Variants in SHANK2 observed in about 807,000 individuals in gnomAD.
SHANK2 encodes SH3 and multiple ankyrin repeat domains 2.
SHANK2 carries 43 observed loss-of-function variants against 133.7 expected under a neutral mutation model. That is an observed-to-expected ratio of 0.32 (90% confidence interval 0.25 to 0.41). The LOEUF (loss-of-function observed/expected upper bound fraction) is 0.41. Among genes scored for constraint, SHANK2 ranks in the 10% least tolerant of loss-of-function variants. The pLI, the probability that SHANK2 is intolerant of heterozygous loss-of-function variation, is 1.00. For synonymous variants in SHANK2, 1,017 were observed against 952.8 expected (o/e 1.07, Z -1.24); for missense variants, 1,994 against 2,235.8 (o/e 0.89, Z 2.18).
chr11:70,862,270 G>A (rs1175765105), intron 11 of SHANK2, among the ~76,000 whole-genome samples: 1 of 152,202 alleles, frequency 6.6e-6, no homozygotes, highest in Admixed American at 6.5e-5. Flanking sequence ...CAGGGGGAGG[G>A]TGTGTGACAC....
intron 1 of SHANK2, among the ~76,000 whole-genome samples, chr11:71,242,610 C>T (rs573529429): frequency 3.3e-5 from 5 of 152,302 alleles, no homozygotes; most frequent in Admixed American, 3.3e-4. Context: ...TCCCACACTA[C>T]ATCACTGCTT....
intron 9 of SHANK2, 84 bp from the exon 10 acceptor site, chr11:71,056,642 C>T (rs891672652): frequency 3.9e-5 from 6 of 152,194 alleles, no homozygotes; most frequent in African/African-American, 1.4e-4. Context: ...CTCAAGCTCA[C>T]GGGAAACCAG....
At chr11:70,574,504 T>G (rs146920829) in intron 17 of SHANK2, among the ~76,000 whole-genome samples, 1 of 152,364 alleles carries the variant, frequency 6.6e-6, no homozygotes, top group East Asian at 1.9e-4. Context: ...CACTCATTCA[T>G]CTGACTCTGG....
chr11:70,658,495 T>A (rs1265416526), intron 17 of SHANK2, among the ~76,000 whole-genome samples: 2 of 152,126 alleles, frequency 1.3e-5, no homozygotes, highest in Non-Finnish European at 2.9e-5. Flanking sequence ...ATAAGCTCAT[T>A]TCTCATTCAA....
intron 17 of SHANK2, among the ~76,000 whole-genome samples, chr11:70,576,790 CA>C (rs782146184): frequency 6.1e-4 from 93 of 152,318 alleles, no homozygotes; most frequent in South Asian, 3.1e-3. Flanking sequence ...AAAGCCCCTG[CA>C]AACAGGTTTC....
At chr11:70,659,744 T>C in intron 17 of SHANK2, 84 bp downstream of exon 17, 7 of 1,567,616 alleles carry the variant, frequency 4.5e-6, no homozygotes, top group Non-Finnish European at 6.1e-6. Context: ...CTGGGCCTCG[T>C]GGCTGTGCTG....
At chr11:71,098,271 G>A (rs1049033054) in intron 6 of SHANK2, among the ~76,000 whole-genome samples, 10 of 151,482 alleles carry the variant, frequency 6.6e-5, no homozygotes, top group Admixed American at 3.9e-4. Context: ...GCACATGCTT[G>A]TGTGTGTGCA....
chr11:70,855,794 A>C (rs1159216642), intron 11 of SHANK2, among the ~76,000 whole-genome samples: 2 of 152,244 alleles, frequency 1.3e-5, no homozygotes, highest in Non-Finnish European at 2.9e-5. Context: ...AGGATGGGTA[A>C]CTGCATGGAT....
chr11:70,705,553 C>T (rs1285314829), intron 14 of SHANK2: 2 of 152,244 alleles, frequency 1.3e-5, no homozygotes, highest in African/African-American at 4.8e-5. Flanking sequence ...CAGAACACAG[C>T]ATAGCAGCAG....
chr11:70,533,077 G>A (rs1045300401), intron 17 of SHANK2, among the ~76,000 whole-genome samples: 6 of 152,284 alleles, frequency 3.9e-5, no homozygotes, highest in South Asian at 4.2e-4. Flanking sequence ...AGACGTTGCC[G>A]GAGGCTGGGG....
intron 4 of SHANK2, among the ~76,000 whole-genome samples, chr11:71,114,624 G>T (rs1239155226): frequency 6.6e-6 from 1 of 152,204 alleles, no homozygotes; most frequent in Non-Finnish European, 1.5e-5. Context: ...GCGCTGGTCA[G>T]AAGGGCATCC....
In SHANK2 at chr11:71,252,072, G is replaced by A. The variant is rs1398013959; in HGVS notation, c.-113+353C>T. Among the ~76,000 whole-genome samples, 1 of 152,246 alleles carries A rather than the reference G, an allele frequency of 6.6e-6. No homozygotes were observed. The highest frequency in any genetic ancestry group is 2.4e-5 in the African/African-American group (1 of 41,522). Reference sequence around the variant, plus strand: ...ACGCGCTGTTCCAGAGGAAGGGGCAGGACGCGCCAGAGACTACGTGGTCCA... The same window carrying A: ...ACGCGCTGTTCCAGAGGAAGGGGCAAGACGCGCCAGAGACTACGTGGTCCA... On this transcript the variant is annotated intron_variant, in intron 1 of 25. Coordinates refer to ENST00000601538, the MANE Select transcript of SHANK2 (RefSeq NM_012309.5). The surrounding 1 kb of genome is among the most constrained non-coding windows in gnomAD (Gnocchi z 6.3).
chr11:70,944,286 C>T (rs1950688881), intron 10 of SHANK2, among the ~76,000 whole-genome samples: 1 of 152,196 alleles, frequency 6.6e-6, no homozygotes, highest in Non-Finnish European at 1.5e-5. Flanking sequence ...GCCATCCACC[C>T]TCCTGTGCCC....
intron 11 of SHANK2, among the ~76,000 whole-genome samples, chr11:70,838,249 A>G (rs1302083811): frequency 2.6e-5 from 4 of 152,192 alleles, no homozygotes; most frequent in Non-Finnish European, 5.9e-5. Context: ...GAGCTTATCA[A>G]TACATGTTCT....
At position 71,167,568 on chromosome 11, in the gene SHANK2, G is replaced by T. The variant is rs552875671; in HGVS notation, c.-12-20230C>A. Among the ~76,000 whole-genome samples the T allele has an allele frequency of 5.5e-3, 727 of 132,192 alleles. 20 individuals carry two copies. Among genetic ancestry groups the T allele is most frequent in the African/African-American group, 0.02 (674 of 33,560 alleles). 86.7% of individuals were successfully genotyped at this position (132,192 alleles called of 152,430 possible). A position where few individuals can be genotyped will look rare whatever the true frequency, so the allele number is the denominator to read the frequency against. ...TGACCCCCCCACCTCCCTCCCGGAC[G>T]GGGCGGCTGGCCGGGCAGAGGGACT... On this transcript the variant is annotated intron_variant, in intron 2 of 25. Transcript: ENST00000601538.
chr11:71,209,121 G>C (rs76781927), intron 2 of SHANK2, among the ~76,000 whole-genome samples: 5,305 of 152,210 alleles, frequency 0.035, 116 homozygotes, highest in Middle Eastern at 0.037. Flanking sequence ...CCCTGGCTCT[G>C]CTCATTTCAC....
intron 8 of SHANK2, among the ~76,000 whole-genome samples, chr11:71,090,771 G>T: frequency 6.6e-6 from 1 of 152,174 alleles, no homozygotes; most frequent in Admixed American, 6.5e-5. Context: ...TTAAAGAGTT[G>T]GCTCATGCAA....
chr11:70,839,652 C>A (rs113446091), intron 11 of SHANK2, among the ~76,000 whole-genome samples: 3,160 of 152,252 alleles, frequency 0.021, 56 homozygotes, highest in Non-Finnish European at 0.029. Context: ...GGTTTGAGTA[C>A]CTCCAGGAGG....
chr11:71,160,282 A>T (rs1952988014), intron 2 of SHANK2, among the ~76,000 whole-genome samples: 1 of 152,138 alleles, frequency 6.6e-6, no homozygotes, highest in African/African-American at 2.4e-5. Flanking sequence ...CAGCCCTCAA[A>T]TTCTCACTGC....
Sources: gnomAD v4.1 joint callset for allele counts (sites outside exome capture counted in the v4.1 genomes callset) on GRCh38, gnomAD v4.1.1 for gene constraint, Gnocchi (gnomAD v3.1) non-coding constraint, MANE v1.5 for transcripts, NCBI Gene and HGNC (gene_info 2026-07-23, HGNC 2026-07-21) for gene names.